The following RYR2 variants were observed in gnomAD, a reference collection of about 807,000 sequenced individuals.
RYR2 encodes ryanodine receptor 2.
RYR2 carries 227 observed loss-of-function variants against 601.1 expected under a neutral mutation model. The ratio of observed to expected loss-of-function variants is 0.38; its 90% CI spans 0.34 to 0.42. The LOEUF (loss-of-function observed/expected upper bound fraction) is 0.42. RYR2 is among the 10% of genes least tolerant of loss of function. RYR2 has a pLI of 1.00. For synonymous variants in RYR2, 2,223 were observed against 2,175.1 expected (o/e 1.02, Z -0.61); for missense variants, 4,646 against 6,156.5 (o/e 0.75, Z 8.21).
intron 1 of RYR2, among the ~76,000 whole-genome samples, chr1:237,100,533 C>A (rs1667974916): frequency 1.3e-5 from 2 of 151,876 alleles, no homozygotes; most frequent in Admixed American, 6.6e-5. Context: ...ATTACAGGCG[C>A]CCACCACCAC....
At chr1:237,172,499 A>AT (rs71561861) in intron 1 of RYR2, among the ~76,000 whole-genome samples, 4,286 of 147,688 alleles carry the variant, frequency 0.029, 206 homozygotes, top group African/African-American at 0.097. Context: ...TACCTGTTTG[A>AT]TTTTTTTTTT....
chr1:237,775,605 C>T lies in RYR2; in HGVS notation c.11775+1957C>T, dbSNP rs1193763163. 2.0e-5 allele frequency among the ~76,000 whole-genome samples: 3 copies of T among 152,128 alleles called. No individual in the cohort carries two copies. The East Asian group carries it at 5.8e-4, about 29-fold the overall frequency. The stretch of plus-strand genomic sequence containing the variant: ...ATAGAAAGTTATATAAGGGGGAGAT[C>T]CAACACCATTGAAATAAATGGAATT... On this transcript the variant is annotated intron_variant, in intron 87 of 104. Coordinates refer to ENST00000366574, the MANE Select transcript of RYR2 (RefSeq NM_001035.3).
intron 1 of RYR2, among the ~76,000 whole-genome samples, chr1:237,174,247 C>T (rs567643128): frequency 1.6e-4 from 25 of 152,174 alleles, no homozygotes; most frequent in African/African-American, 4.1e-4. Flanking sequence ...TATAATAAAT[C>T]GGTGTGGCAG....
At chr1:237,432,414 G>A (rs1706918438) in intron 12 of RYR2, among the ~76,000 whole-genome samples, 1 of 152,014 alleles carries the variant, frequency 6.6e-6, no homozygotes, top group Non-Finnish European at 1.5e-5. Context: ...TCTAAGACTG[G>A]GCATAAATAT....
At chr1:237,549,656 T>TTTA (rs1670184641) in intron 26 of RYR2, among the ~76,000 whole-genome samples, 1 of 105,100 alleles carries the variant, frequency 9.5e-6, no homozygotes, top group African/African-American at 3.4e-5. Flanking sequence ...TTTTTTTTTT[T>TTTA]AACTCTTGGG....
intron 3 of RYR2, among the ~76,000 whole-genome samples, chr1:237,337,734 C>G (rs941874345): frequency 3.3e-5 from 5 of 152,084 alleles, no homozygotes; most frequent in African/African-American, 1.2e-4. Flanking sequence ...AGATCTGATC[C>G]TTCTGAAGAA....
chr1:237,148,562 A>ATAT (rs1674339191), intron 1 of RYR2, among the ~76,000 whole-genome samples: 1 of 125,128 alleles, frequency 8.0e-6, no homozygotes, highest in Admixed American at 8.0e-5. Flanking sequence ...ATACACACAC[A>ATAT]CATATATATA....
intron 80 of RYR2, among the ~76,000 whole-genome samples, chr1:237,746,812 T>A (rs891302446): frequency 2.0e-5 from 3 of 152,126 alleles, no homozygotes; most frequent in Non-Finnish European, 4.4e-5. Context: ...AAATAATTAT[T>A]GGAGTTGAAT....
chr1:237,496,043 T>C (rs1475604234), intron 19 of RYR2, among the ~76,000 whole-genome samples: 2 of 152,182 alleles, frequency 1.3e-5, no homozygotes, highest in East Asian at 1.9e-4. Flanking sequence ...GTTTTAATAA[T>C]TTTTTAGTAA....
At chr1:237,551,855 A>G (rs1670440212) in intron 27 of RYR2, among the ~76,000 whole-genome samples, 1 of 152,160 alleles carries the variant, frequency 6.6e-6, no homozygotes, top group Admixed American at 6.6e-5. Flanking sequence ...TCTTATGAGG[A>G]TGATGCTTGT....
At chr1:237,383,578 T>G (rs143869867) in intron 8 of RYR2, among the ~76,000 whole-genome samples, 7 of 151,848 alleles carry the variant, frequency 4.6e-5, no homozygotes, top group East Asian at 3.9e-4. Flanking sequence ...TGTAGGTGCC[T>G]GCCACCACAC....
At chr1:237,115,833 TTACTC>T (rs1670016694) in intron 1 of RYR2, among the ~76,000 whole-genome samples, 1 of 152,012 alleles carries the variant, frequency 6.6e-6, no homozygotes, top group Non-Finnish European at 1.5e-5. Flanking sequence ...TTTAAATAAT[TTACTC>T]TATCTAGGAA....
chr1:237,812,209 ACCAGTACT>A (rs1299689256), intron 100 of RYR2, among the ~76,000 whole-genome samples: 2 of 152,206 alleles, frequency 1.3e-5, no homozygotes, highest in Non-Finnish European at 2.9e-5. Context: ...ACACTCTTCA[ACCAGTACT>A]CTAAGTTACA....
chr1:237,606,500 A>C (rs1470925794), intron 35 of RYR2, among the ~76,000 whole-genome samples: 1 of 152,254 alleles, frequency 6.6e-6, no homozygotes, highest in Non-Finnish European at 1.5e-5. Context: ...TTCAGGACAT[A>C]GGCGTGGGCA....
At chr1:237,568,946 G>A (rs1672375248) in intron 28 of RYR2, among the ~76,000 whole-genome samples, 199 bp from the exon 29 acceptor site, 1 of 152,096 alleles carries the variant, frequency 6.6e-6, no homozygotes, top group Non-Finnish European at 1.5e-5. Flanking sequence ...AATATACCAT[G>A]TTAATATTAG....
At chr1:237,606,763 A>G (rs1231116381) in intron 35 of RYR2, among the ~76,000 whole-genome samples, 1 of 152,234 alleles carries the variant, frequency 6.6e-6, no homozygotes, top group Non-Finnish European at 1.5e-5. Flanking sequence ...AAAAGTGGAC[A>G]AAGGATATGA....
At chr1:237,045,868 G>GTTTT (rs1558136067) in intron 1 of RYR2, among the ~76,000 whole-genome samples, 5 of 103,588 alleles carry the variant, frequency 4.8e-5, no homozygotes, top group African/African-American at 2.2e-4. Flanking sequence ...CCTTGGTCAA[G>GTTTT]GTTTTTTTTT....
chr1:237,721,681 G>T (rs1452666410), intron 73 of RYR2, among the ~76,000 whole-genome samples: 1 of 152,180 alleles, frequency 6.6e-6, no homozygotes, highest in African/African-American at 2.4e-5. Flanking sequence ...ACCACACCCA[G>T]CTAATTTTTT....
chr1:237,416,186 G>T (rs1387961709), intron 10 of RYR2, among the ~76,000 whole-genome samples: 1 of 152,150 alleles, frequency 6.6e-6, no homozygotes, highest in African/African-American at 2.4e-5. Context: ...AAATGGGTCT[G>T]GAAGCAAGAT....
Sources: allele counts gnomAD v4.1 joint callset (sites outside exome capture counted in the v4.1 genomes callset), GRCh38; gene constraint gnomAD v4.1.1; transcripts MANE v1.5; gene names NCBI Gene and HGNC (gene_info 2026-07-23, HGNC 2026-07-21).